The following KATNA1 variants were observed in gnomAD, a reference collection of about 807,000 sequenced individuals.
The protein encoded by KATNA1 is katanin catalytic subunit A1, also known as katanin p60 ATPase-containing subunit A1.
In KATNA1, 42 loss-of-function variants were observed where a neutral mutation model predicts 62.6. The observed-to-expected ratio is 0.67, with a 90% confidence interval of 0.52 to 0.87. The LOEUF is 0.87. Among genes scored for constraint, KATNA1 ranks in the 40% least tolerant of loss-of-function variants. The pLI is 0.00. For synonymous variants in KATNA1, 186 were observed against 201.9 expected (o/e 0.92, Z 0.67); for missense variants, 498 against 612.5 (o/e 0.81, Z 1.97).
intron 4 of KATNA1, among the ~76,000 whole-genome samples, chr6:149,612,129 G>A (rs904314227): frequency 2.0e-5 from 3 of 152,160 alleles, no homozygotes; most frequent in Admixed American, 6.6e-5. Context: ...AAGATAATCT[G>A]AACAGTACCA....
At chr6:149,618,489 A>T (rs1779268351) in intron 4 of KATNA1, among the ~76,000 whole-genome samples, 4 of 152,064 alleles carry the variant, frequency 2.6e-5, no homozygotes, top group South Asian at 2.1e-4. Context: ...AAAAAAAAAT[A>T]AAAAAAAGAA....
intron 3 of KATNA1, among the ~76,000 whole-genome samples, chr6:149,625,288 G>C (rs544896681): frequency 1.0e-3 from 159 of 152,150 alleles, no homozygotes; most frequent in African/African-American, 3.0e-3. Flanking sequence ...ATGAGATGAG[G>C]GCCTAGTTTA....
At chr6:149,645,072 T>C (rs1037198374) in intron 1 of KATNA1, among the ~76,000 whole-genome samples, 24 of 152,206 alleles carry the variant, frequency 1.6e-4, no homozygotes, top group Admixed American at 1.4e-3. Context: ...TTATCATTGC[T>C]AAAATTCCAC....
At chr6:149,601,858 C>A (rs1778557563) in intron 6 of KATNA1, 106 bp from the exon 7 acceptor site, 2 of 722,668 alleles carry the variant, frequency 2.8e-6, no homozygotes, top group Non-Finnish European at 4.1e-6. Context: ...TATATAATAT[C>A]AAGACAAATA....
At chr6:149,622,289 C>T (rs569984903) in intron 4 of KATNA1, among the ~76,000 whole-genome samples, 5 of 152,126 alleles carry the variant, frequency 3.3e-5, no homozygotes, top group Middle Eastern at 3.4e-3. Flanking sequence ...CCCGCCACCA[C>T]GGCTAATTTT....
intron 3 of KATNA1, among the ~76,000 whole-genome samples, chr6:149,628,162 A>G (rs1390881784): frequency 6.6e-6 from 1 of 150,592 alleles, no homozygotes; most frequent in Non-Finnish European, 1.5e-5. Flanking sequence ...CAGTGGCGCC[A>G]TCTCGGCTCA....
intron 3 of KATNA1, among the ~76,000 whole-genome samples, chr6:149,624,848 T>C (rs1779544624): frequency 6.6e-6 from 1 of 150,604 alleles, no homozygotes; most frequent in Non-Finnish European, 1.5e-5. Flanking sequence ...ACAGAAGCTA[T>C]GTAAAGCTAG....
Position 149,597,982 on chromosome 6 carries a change from G to A in KATNA1, c.1015+242C>T, listed in dbSNP as rs563156811. On this transcript the variant is annotated intron_variant, in intron 8 of 10. Transcript: ENST00000367411. ...ATTTCATAGCTAAAGTAAGATAGTT[G>A]TATATACCAAAAGGGTGCCCTGTGT... The A allele has an allele frequency of 2.4e-4, 123 of 503,446 alleles. 1 individual carries two copies. The South Asian group carries it at 2.9e-3, about 12-fold the overall frequency. 31.2% of individuals were successfully genotyped at this position (503,446 alleles called of 1,614,324 possible).
chr6:149,628,585 G>A (rs1051897237), intron 3 of KATNA1, among the ~76,000 whole-genome samples: 2 of 151,884 alleles, frequency 1.3e-5, no homozygotes, highest in Non-Finnish European at 2.9e-5. Flanking sequence ...ACTTTGGGAG[G>A]CCAAGGCAGG....
At chr6:149,641,903 T>C (rs180913685) in intron 1 of KATNA1, among the ~76,000 whole-genome samples, 1 of 152,176 alleles carries the variant, frequency 6.6e-6, no homozygotes, top group Non-Finnish European at 1.5e-5. Flanking sequence ...TTTTATTCTT[T>C]TATTTTTTAT....
chr6:149,598,674 T>C (rs1374700023), intron 7 of KATNA1, among the ~76,000 whole-genome samples: 1 of 151,872 alleles, frequency 6.6e-6, no homozygotes. Flanking sequence ...TGAGCTATGA[T>C]CACACCACAC....
In KATNA1 at chr6:149,595,121, A is replaced by G. The variant is rs148234938; in HGVS notation, c.1391T>C (p.Met464Thr). ...HMPTTMEDFE[M>T]ALKKVSKSVS... ...TGACTTAGAAACCTTTTTTAAAGCC[A>G]TCTCGAAATCCTCCATAGTTGTAGG... Residue 464 changes from methionine to threonine, a missense_variant, in exon 11 of 11, where the codon ATG (methionine) becomes ACG (threonine). By Grantham distance (81) the Met-to-Thr change is moderately conservative (BLOSUM62 -1). This residue lies in a region of KATNA1 where 267 missense variants were observed against 372.6 expected (regional missense o/e 0.72). Transcript: ENST00000367411. 28 of 1,613,954 alleles carry G rather than the reference A, an allele frequency of 1.7e-5. No homozygotes were observed. The highest frequency in any genetic ancestry group is 5.3e-5 in the African/African-American group (4 of 74,932).
intron 9 of KATNA1, 144 bp from the exon 10 acceptor site, chr6:149,597,333 T>C: frequency 8.3e-7 from 1 of 1,207,932 alleles, no homozygotes; most frequent in Non-Finnish European, 1.1e-6. Flanking sequence ...AGCCATTCTT[T>C]ACTTTTTAAT....
intron 4 of KATNA1, among the ~76,000 whole-genome samples, chr6:149,622,287 C>A (rs1172952980): frequency 6.6e-6 from 1 of 152,054 alleles, no homozygotes; most frequent in Admixed American, 6.6e-5. Context: ...CGCCCGCCAC[C>A]ACGGCTAATT....
At chr6:149,596,688 C>T (rs62439790) in intron 10 of KATNA1, among the ~76,000 whole-genome samples, 17 of 152,104 alleles carry the variant, frequency 1.1e-4, no homozygotes, top group African/African-American at 4.1e-4. Flanking sequence ...ATCCTCCTGC[C>T]TCAGCTTCCT....
intron 4 of KATNA1, among the ~76,000 whole-genome samples, chr6:149,620,030 C>G (rs1435094280): frequency 6.6e-6 from 1 of 152,176 alleles, no homozygotes; most frequent in African/African-American, 2.4e-5. Context: ...GAAATTCTGT[C>G]ATTCATGGCA....
intron 7 of KATNA1, 73 bp from the exon 8 acceptor site, chr6:149,598,423 A>C (rs756015188): frequency 5.3e-5 from 78 of 1,483,032 alleles, no homozygotes; most frequent in Non-Finnish European, 7.2e-5. Context: ...CAGATTAGCA[A>C]TCAGAAAATA....
At chr6:149,625,042 T>C (rs114041603) in intron 3 of KATNA1, among the ~76,000 whole-genome samples, 1,630 of 151,884 alleles carry the variant, frequency 0.011, 29 homozygotes, top group African/African-American at 0.038. Flanking sequence ...ATGTAAAGGA[T>C]AATAAAGACA....
chr6:149,606,671 T>A (rs1177507181), intron 4 of KATNA1, among the ~76,000 whole-genome samples: 3 of 149,546 alleles, frequency 2.0e-5, no homozygotes, highest in African/African-American at 7.4e-5. Flanking sequence ...CAGGCTGGAG[T>A]GCAGTGGCAC....
Sources: gnomAD v4.1 joint callset for allele counts (sites outside exome capture counted in the v4.1 genomes callset) on GRCh38, gnomAD v4.1.1 for gene constraint, gnomAD v4.1.1 regional missense constraint, MANE v1.5 for transcripts, NCBI Gene and HGNC (gene_info 2026-07-23, HGNC 2026-07-21) for gene names.